The following TSNAX variants were observed in gnomAD, a reference collection of about 807,000 sequenced individuals.
TSNAX encodes the protein translin-associated protein X.
TSNAX carries 12 observed loss-of-function variants against 33.0 expected under a neutral mutation model. The observed-to-expected ratio is 0.36, with a 90% CI of 0.23 to 0.59. The LOEUF is 0.59. Ranked by LOEUF, TSNAX falls within the 20% of genes least tolerant of loss-of-function variation. The pLI is 0.74. For synonymous variants in TSNAX, 110 were observed against 117.2 expected (o/e 0.94, Z 0.40); for missense variants, 267 against 341.3 (o/e 0.78, Z 1.72).
chr1:231,550,732 T>A (rs999212912), intron 4 of TSNAX, among the ~76,000 whole-genome samples: 6 of 152,042 alleles, frequency 3.9e-5, no homozygotes, highest in African/African-American at 1.4e-4. Flanking sequence ...GGAGAGAGTA[T>A]GATGAGAGAG....
chr1:231,562,608 G>C (rs766859705), intron 5 of TSNAX, among the ~76,000 whole-genome samples: 4 of 152,038 alleles, frequency 2.6e-5, no homozygotes, highest in Non-Finnish European at 5.9e-5. Flanking sequence ...GAAAATATTG[G>C]GGAAAAGGCC....
At chr1:231,553,747 C>T (rs954461325) in intron 4 of TSNAX, among the ~76,000 whole-genome samples, 7 of 145,512 alleles carry the variant, frequency 4.8e-5, no homozygotes, top group African/African-American at 1.5e-4. Flanking sequence ...AGTGCAATGG[C>T]GAGATCTCGG....
At chr1:231,558,974 C>G (rs925685020) in intron 4 of TSNAX, among the ~76,000 whole-genome samples, 2 of 151,970 alleles carry the variant, frequency 1.3e-5, no homozygotes, top group Non-Finnish European at 2.9e-5. Context: ...CCAGGGTCAC[C>G]CATTTTCCCT....
At chr1:231,564,491 G>C (rs749840543) in intron 5 of TSNAX, 37 bp from the exon 6 acceptor site, 1 of 1,588,454 alleles carries the variant, frequency 6.3e-7, no homozygotes, top group Non-Finnish European at 8.6e-7. Flanking sequence ...TTGTGTGTGT[G>C]TGTGTGTGTT....
intron 2 of TSNAX, among the ~76,000 whole-genome samples, chr1:231,532,065 C>T (rs1352620897): frequency 7.1e-6 from 1 of 140,500 alleles, no homozygotes; most frequent in Non-Finnish European, 1.5e-5. Flanking sequence ...GAGACCCTGA[C>T]TCAAAAAGGA....
chr1:231,538,094 T>C (rs568066319), intron 3 of TSNAX, among the ~76,000 whole-genome samples: 13 of 152,354 alleles, frequency 8.5e-5, no homozygotes, highest in African/African-American at 2.6e-4. Flanking sequence ...CATATGATAC[T>C]GTTGACTACT....
At chr1:231,551,766 C>T (rs1660309537) in intron 4 of TSNAX, among the ~76,000 whole-genome samples, 1 of 136,592 alleles carries the variant, frequency 7.3e-6, no homozygotes, top group Non-Finnish European at 1.6e-5. Flanking sequence ...CCAGTCTGTG[C>T]AACTTAGCAA....
At chr1:231,542,327 C>G (rs1326259537) in intron 3 of TSNAX, 154 bp from the exon 4 acceptor site, 1 of 688,338 alleles carries the variant, frequency 1.5e-6, no homozygotes, top group African/African-American at 1.8e-5. Context: ...ATAACATTTT[C>G]ATGTTCTCCA....
chr1:231,529,382 T>TGAA (rs755616966), intron 2 of TSNAX, 23 bp downstream of exon 2: 2 of 1,608,934 alleles, frequency 1.2e-6, no homozygotes, highest in Admixed American at 3.3e-5. Flanking sequence ...CAATGTAAGT[T>TGAA]GAAGAAGGGG....
At chr1:231,540,525 T>G (rs973117940) in intron 3 of TSNAX, among the ~76,000 whole-genome samples, 4 of 152,254 alleles carry the variant, frequency 2.6e-5, no homozygotes, top group African/African-American at 7.2e-5. Flanking sequence ...TTCTATAATT[T>G]GAATCCTTTT....
chr1:231,533,545 C>G (rs931698579), intron 2 of TSNAX, among the ~76,000 whole-genome samples: 5 of 152,186 alleles, frequency 3.3e-5, no homozygotes, highest in African/African-American at 9.7e-5. Flanking sequence ...AAGGAGTTAT[C>G]AGATCAATAT....
At chr1:231,543,936 C>T (rs1317619262) in intron 4 of TSNAX, among the ~76,000 whole-genome samples, 1 of 152,126 alleles carries the variant, frequency 6.6e-6, no homozygotes, top group Non-Finnish European at 1.5e-5. Flanking sequence ...ACAGATTTGG[C>T]TGGAGTGGGA....
chr1:231,553,884 C>T (rs1231407804), intron 4 of TSNAX, among the ~76,000 whole-genome samples: 1 of 152,058 alleles, frequency 6.6e-6, no homozygotes, highest in Admixed American at 6.6e-5. Flanking sequence ...CGAGGTTTCT[C>T]CATGTTGGTC....
intron 3 of TSNAX, among the ~76,000 whole-genome samples, chr1:231,538,583 G>A (rs1289498798): frequency 6.6e-6 from 1 of 152,120 alleles, no homozygotes; most frequent in Non-Finnish European, 1.5e-5. Flanking sequence ...TTCTGAAGAC[G>A]GATTGTTGTT....
Position 231,566,211 on chromosome 1 carries a change from G to A in TSNAX, c.*1306G>A, listed in dbSNP as rs1338345352. On this transcript the variant is annotated 3_prime_UTR_variant, in exon 6 of 6. Transcript: ENST00000366639. ...GTTGTCCCATGGTGTTAATAAAGTT[G>A]CCAAAGAAGATGTATTATGAACAAT... 1.3e-5 allele frequency: 2 copies of A among 152,496 alleles called. No individual in the cohort carries two copies. Among genetic ancestry groups the A allele is most frequent in the African/African-American group, 4.8e-5 (2 of 41,396 alleles). The allele number at this position is 152,496 out of a possible 1,614,324, so 9.4% of individuals were successfully genotyped here.
intron 3 of TSNAX, among the ~76,000 whole-genome samples, chr1:231,537,758 A>T (rs906640135): frequency 2.0e-5 from 3 of 150,884 alleles, no homozygotes; most frequent in Non-Finnish European, 4.4e-5. Context: ...AAAAAAAAAA[A>T]GGAAAAGTCT....
At chr1:231,552,593 G>A (rs189841435) in intron 4 of TSNAX, among the ~76,000 whole-genome samples, 1 of 152,272 alleles carries the variant, frequency 6.6e-6, no homozygotes, top group East Asian at 1.9e-4. Flanking sequence ...TAAAAATTGA[G>A]ACATTACATA....
At chr1:231,552,901 T>C (rs1660417712) in intron 4 of TSNAX, among the ~76,000 whole-genome samples, 1 of 152,254 alleles carries the variant, frequency 6.6e-6, no homozygotes, top group Non-Finnish European at 1.5e-5. Flanking sequence ...AGTTCAGCTA[T>C]GTCATAGCAT....
In TSNAX at chr1:231,561,107, TTTTC is replaced by T. The variant is rs780485059; in HGVS notation, c.368-17_368-14del. 8.1e-6 allele frequency: 13 copies of T among 1,601,252 alleles called. No homozygotes were observed. Among genetic ancestry groups the T allele is most frequent in the Middle Eastern group, 1.7e-4 (1 of 6,046 alleles). On this transcript the variant is annotated splice_polypyrimidine_tract_variant and intron_variant, in intron 4 of 5. Transcript: ENST00000366639. ...CTAATTAAGTGCTTATTCTTAGTAA[TTTTC>T]TTTGTCACGCTTTCAGGACTACAGG... is the stretch of plus-strand genomic sequence containing the variant.
Sources: allele counts gnomAD v4.1 joint callset (sites outside exome capture counted in the v4.1 genomes callset), GRCh38; gene constraint gnomAD v4.1.1; transcripts MANE v1.5; gene names NCBI Gene and HGNC (gene_info 2026-07-23, HGNC 2026-07-21).